NUDT1: variants seen among roughly 807,000 people sequenced by gnomAD.
The protein encoded by NUDT1 is oxidized purine nucleoside triphosphate hydrolase.
A neutral mutation model predicts 11.3 loss-of-function variants in NUDT1; 16 were observed. The observed-to-expected ratio is 1.41, with a 90% CI of 0.96 to 2.15. The LOEUF (loss-of-function observed/expected upper bound fraction) is 2.15. NUDT1 is among the 30% of genes most tolerant of loss of function. The pLI is 0.00. For missense variants in NUDT1, 234 were observed against 208.4 expected (o/e 1.12, Z -0.76); for synonymous variants, 101 against 84.4 (o/e 1.20, Z -1.08).
Position 2,242,309 on chromosome 7 carries a change from G to A in NUDT1, c.-13+53G>A, listed in dbSNP as rs1160914905. On this transcript the variant is annotated intron_variant, in intron 1 of 3. Coordinates refer to ENST00000356714, the MANE Select transcript of NUDT1 (RefSeq NM_002452.4). ...GGAGTCGTGGTGACCAGGGAGGGGA[G>A]CCGGGCCAGCGGGCGGCAGGAGACT... 3 of 795,254 alleles carry A rather than the reference G, an allele frequency of 3.8e-6. No homozygotes were observed. In the East Asian group the frequency reaches 9.8e-5, roughly 26 times the overall value. The allele number at this position is 795,254 out of a possible 1,614,324, so 49.3% of individuals were successfully genotyped here.
intron 2 of NUDT1, among the ~76,000 whole-genome samples, chr7:2,245,128 T>C (rs1794721366): frequency 6.6e-6 from 1 of 152,144 alleles, no homozygotes; most frequent in Admixed American, 6.5e-5. Context: ...GTGGAGCTGA[T>C]GATCGCTTTC....
intron 2 of NUDT1, chr7:2,247,983 CTGT>C (rs1794836136): frequency 6.6e-6 from 1 of 152,246 alleles, no homozygotes; most frequent in Non-Finnish European, 1.5e-5. Context: ...AATTAGCCAT[CTGT>C]ATGAATAAAT....
Position 2,243,389 on chromosome 7 carries a change from TATC to T in NUDT1, c.-13+1137_-13+1139del, listed in dbSNP as rs556771817. Among the ~76,000 whole-genome samples the T allele has an allele frequency of 2.0e-5, 3 of 152,248 alleles. No individual in the cohort carries two copies. The South Asian group carries it at 6.2e-4, about 32-fold the overall frequency. ...CCCAGCACTTCCCTGCCCCCTTCCT[TATC>T]ATCTGGTCCCTTTTCTCAGACACCA... is the stretch of plus-strand genomic sequence containing the variant. On this transcript the variant is annotated intron_variant, in intron 1 of 3. Transcript: ENST00000356714.
intron 1 of NUDT1, chr7:2,242,924 G>C (rs1291904656): frequency 2.8e-6 from 2 of 710,886 alleles, no homozygotes; most frequent in Non-Finnish European, 2.6e-6. Context: ...TGTATCCCTA[G>C]GTTTCTTGCC....
At chr7:2,247,615 A>C (rs902861700) in intron 2 of NUDT1, among the ~76,000 whole-genome samples, 1 of 152,024 alleles carries the variant, frequency 6.6e-6, no homozygotes, top group African/African-American at 2.4e-5. Flanking sequence ...TGTTTCATGT[A>C]TTTCTCACCC....
At chr7:2,243,049 G>C in intron 1 of NUDT1, 2 of 716,568 alleles carry the variant, frequency 2.8e-6, no homozygotes, top group African/African-American at 1.7e-5. Flanking sequence ...GAGTGGGAAG[G>C]TGATTTTCCC....
At chr7:2,250,666 G>C (rs1412809098) in intron 3 of NUDT1, among the ~76,000 whole-genome samples, 163 bp from the exon 4 acceptor site, 1 of 113,626 alleles carries the variant, frequency 8.8e-6, no homozygotes, top group African/African-American at 2.9e-5. Flanking sequence ...CACCGTGTTA[G>C]CCAGGATGGT....
At chr7:2,243,164 A>G in intron 1 of NUDT1, 1 of 583,480 alleles carries the variant, frequency 1.7e-6, no homozygotes, top group South Asian at 2.2e-5. Flanking sequence ...TGTGCTTTCC[A>G]CGTCCTCTTG....
At chr7:2,248,990 G>A (rs1794874265) in intron 2 of NUDT1, among the ~76,000 whole-genome samples, 2 of 152,220 alleles carry the variant, frequency 1.3e-5, no homozygotes, top group African/African-American at 2.4e-5. Flanking sequence ...AGTTTATGGC[G>A]TTTTGTTTCC....
intron 2 of NUDT1, among the ~76,000 whole-genome samples, chr7:2,246,583 G>A (rs2115058129): frequency 1.3e-5 from 2 of 152,356 alleles, no homozygotes; most frequent in South Asian, 4.1e-4. Context: ...GCAAAGCACA[G>A]GCCCCCTCGG....
chr7:2,248,338 T>C (rs145825975), intron 2 of NUDT1, among the ~76,000 whole-genome samples: 81 of 152,318 alleles, frequency 5.3e-4, no homozygotes, highest in African/African-American at 1.8e-3. Context: ...AGAACCCGAC[T>C]GAGCACAGCA....
intron 1 of NUDT1, chr7:2,242,725 C>CA (rs1166610205): frequency 1.7e-5 from 8 of 458,140 alleles, no homozygotes; most frequent in Non-Finnish European, 2.7e-5. Context: ...TCTCAAGCCT[C>CA]TAGGGGAACA....
chr7:2,246,749 A>G (rs546471841), intron 2 of NUDT1, among the ~76,000 whole-genome samples: 7 of 152,254 alleles, frequency 4.6e-5, no homozygotes, highest in African/African-American at 1.2e-4. Flanking sequence ...GAGGGGGGGA[A>G]CTGAGGCACA....
rs1794687099 is a variant in NUDT1 at position 2,244,496 on chromosome 7, C to T, written c.-12-67C>T. The T allele has an allele frequency of 5.6e-6, 8 of 1,437,596 alleles. No homozygotes were observed. The Admixed American group carries it at 1.9e-4, about 34-fold the overall frequency. 89.1% of individuals were successfully genotyped at this position (1,437,596 alleles called of 1,614,324 possible). A position where few individuals can be genotyped will look rare whatever the true frequency, so the allele number is the denominator to read the frequency against. ...CCTCCCAGAGCACGTCCCCTTCCTC[C>T]TGGCCCCTGGCACGTGCTTCCTCCA... On this transcript the variant is annotated intron_variant, in intron 1 of 3. Transcript: ENST00000356714.
rs779613757 is a variant in NUDT1 at position 2,244,709 on chromosome 7, C to T, written c.135C>T (p.Ile45=). The part of the protein sequence containing the change: ...FGGKVQEGET[I]EDGARRELQE... ...GCAAAGTGCAAGAAGGAGAGACCATCGAGGATGGGGCTAGGAGGTAAGGAT... is the reference window on the plus strand; with the variant it reads ...GCAAAGTGCAAGAAGGAGAGACCATTGAGGATGGGGCTAGGAGGTAAGGAT... The change falls in exon 2 of 4, where the codon ATC becomes ATT. Residue 45 remains isoleucine (I), a synonymous_variant. Transcript: ENST00000356714. 8.0e-5 allele frequency: 129 copies of T among 1,611,326 alleles called. No individual in the cohort carries two copies. The highest frequency in any genetic ancestry group is 9.9e-5 in the Non-Finnish European group (117 of 1,179,128).
At chr7:2,250,795 C>T (rs889123021) in intron 3 of NUDT1, 34 bp from the exon 4 acceptor site, 11 of 1,613,356 alleles carry the variant, frequency 6.8e-6, no homozygotes, top group Non-Finnish European at 9.3e-6. Flanking sequence ...GTTTGGGTTG[C>T]ACCTCAGTGC....
intron 2 of NUDT1, among the ~76,000 whole-genome samples, chr7:2,246,391 C>G (rs566305196): frequency 6.6e-6 from 1 of 152,122 alleles, no homozygotes; most frequent in Admixed American, 6.5e-5. Flanking sequence ...GAGGGCCTGA[C>G]GTTGGCTGGG....
At position 2,251,127 on chromosome 7, in the gene NUDT1, A is replaced by G. The variant is rs1174541681; in HGVS notation, c.*126A>G. The G allele has an allele frequency of 1.0e-6, 1 of 1,003,350 alleles. No homozygotes were observed. Among genetic ancestry groups the G allele is most frequent in the Non-Finnish European group, 1.5e-6 (1 of 653,634 alleles). The allele number at this position is 1,003,350 out of a possible 1,614,324, so 62.2% of individuals were successfully genotyped here. On this transcript the variant is annotated 3_prime_UTR_variant, in exon 4 of 4. Transcript: ENST00000356714. The stretch of plus-strand genomic sequence containing the variant: ...TGGAATTAACTGGATGGAAGGGAAA[A>G]TAAAGCTATCTAGCGGTGGTTTTTT...
intron 2 of NUDT1, among the ~76,000 whole-genome samples, chr7:2,246,937 G>C (rs1222560110): frequency 1.3e-5 from 2 of 152,090 alleles, no homozygotes; most frequent in Non-Finnish European, 2.9e-5. Flanking sequence ...CTTAAAGAAA[G>C]AAAGAAAAAA....
Sources: gnomAD v4.1 joint callset for allele counts (sites outside exome capture counted in the v4.1 genomes callset) on GRCh38, gnomAD v4.1.1 for gene constraint, MANE v1.5 for transcripts, NCBI Gene and HGNC (gene_info 2026-07-23, HGNC 2026-07-21) for gene names.